Variants in XPR1 observed in about 807,000 individuals in gnomAD.
XPR1 encodes xenotropic and polytropic retrovirus receptor 1, also known as solute carrier family 53 member 1.
XPR1 carries 28 observed loss-of-function variants against 87.5 expected under a neutral mutation model. The ratio of observed to expected loss-of-function variants is 0.32; its 90% CI spans 0.24 to 0.44. XPR1 has a LOEUF of 0.44. Ranked by LOEUF, XPR1 falls within the 20% of genes least tolerant of loss-of-function variation. The probability of loss-of-function intolerance (pLI) is 1.00; values close to 1 mark genes in which losing one functional copy is unlikely to be tolerated. For missense variants in XPR1, 559 were observed against 862.3 expected, an observed-to-expected ratio of 0.65 and a Z score of 4.41; for synonymous variants, 300 against 306.1, an observed-to-expected ratio of 0.98 and a Z score of 0.21.
chr1:180,863,993 T>C (rs1007398533), intron 12 of XPR1, 119 bp downstream of exon 12: 25 of 784,384 alleles, frequency 3.2e-5, no homozygotes, highest in Non-Finnish European at 4.2e-5. Flanking sequence ...GAAAAATAAT[T>C]AACAAAAATA....
intron 3 of XPR1, among the ~76,000 whole-genome samples, chr1:180,800,429 G>C (rs191436732): frequency 1.3e-5 from 2 of 152,342 alleles, no homozygotes; most frequent in Admixed American, 6.5e-5. Flanking sequence ...CCACAGATGA[G>C]AGCCAGCAAG....
At chr1:180,816,957 T>C (rs895694653) in intron 7 of XPR1, among the ~76,000 whole-genome samples, 1 of 152,222 alleles carries the variant, frequency 6.6e-6, no homozygotes, top group Non-Finnish European at 1.5e-5. Context: ...GACAGCTCCC[T>C]GTGTGTTATT....
At chr1:180,744,820 T>G (rs1397230634) in intron 2 of XPR1, among the ~76,000 whole-genome samples, 1 of 151,796 alleles carries the variant, frequency 6.6e-6, no homozygotes, top group Non-Finnish European at 1.5e-5. Flanking sequence ...CTGGCTAGTT[T>G]TTTTGTATTT....
intron 7 of XPR1, among the ~76,000 whole-genome samples, chr1:180,820,580 G>A (rs555420776): frequency 1.1e-4 from 17 of 152,260 alleles, no homozygotes; most frequent in African/African-American, 3.9e-4. Flanking sequence ...GTACTGTTAG[G>A]AACATGCATA....
intron 1 of XPR1, among the ~76,000 whole-genome samples, chr1:180,669,833 A>G (rs1314547259): frequency 6.6e-6 from 1 of 152,150 alleles, no homozygotes; most frequent in African/African-American, 2.4e-5. Context: ...AACAATAATA[A>G]CTAATAATAA....
Position 180,889,339 on chromosome 1 carries a change from T to G in XPR1, c.*5273T>G, listed in dbSNP as rs898996147. The G allele has an allele frequency of 6.6e-6, 1 of 152,250 alleles. No individual in the cohort carries two copies. The highest frequency in any genetic ancestry group is 1.5e-5 in the Non-Finnish European group (1 of 68,042). 9.4% of individuals were successfully genotyped at this position (152,250 alleles called of 1,614,324 possible). On this transcript the variant is annotated 3_prime_UTR_variant, in exon 15 of 15. Coordinates refer to ENST00000367590, the MANE Select transcript of XPR1 (RefSeq NM_004736.4). ...CTCGTATACCTTCAAACCAGTTACTTGACTAAACTTCCACCATATTACCTT... is the reference window on the plus strand; with the variant it reads ...CTCGTATACCTTCAAACCAGTTACTGGACTAAACTTCCACCATATTACCTT...
chr1:180,669,281 T>C (rs1180247122), intron 1 of XPR1, among the ~76,000 whole-genome samples: 2 of 152,218 alleles, frequency 1.3e-5, no homozygotes, highest in Admixed American at 6.5e-5. Context: ...CCAGCTATTA[T>C]TGTATAAGTA....
chr1:180,728,876 C>T (rs1214439444), intron 2 of XPR1, among the ~76,000 whole-genome samples: 2 of 152,024 alleles, frequency 1.3e-5, no homozygotes, highest in Admixed American at 6.6e-5. Context: ...TGTTTAGGTT[C>T]AGAGATACAT....
rs1269124293 is a variant in XPR1, at chr1:180,696,083, G to A, written c.121+13672G>A. On this transcript the variant is annotated intron_variant, in intron 2 of 14. Transcript: ENST00000367590. ...ATGAGCATGGGATATCTTTCTGTTT[G>A]TGTTGTCTTCAGTTTCTTTCATTGG... Among the ~76,000 whole-genome samples, 15 of 151,244 alleles carry A rather than the reference G, an allele frequency of 9.9e-5. No individual in the cohort carries two copies. The East Asian group carries it at 2.9e-3, about 29-fold the overall frequency.
chr1:180,850,670 A>G (rs186385272), intron 11 of XPR1, among the ~76,000 whole-genome samples: 5 of 152,286 alleles, frequency 3.3e-5, no homozygotes, highest in African/African-American at 1.2e-4. Flanking sequence ...AAATGTATAG[A>G]ATCCTGGCCA....
At chr1:180,644,564 G>GT (rs977698274) in intron 1 of XPR1, among the ~76,000 whole-genome samples, 1 of 151,908 alleles carries the variant, frequency 6.6e-6, no homozygotes, top group Non-Finnish European at 1.5e-5. Context: ...TTTATTAGAT[G>GT]TAAGGACCTC....
intron 1 of XPR1, among the ~76,000 whole-genome samples, chr1:180,655,331 A>G (rs1021984020): frequency 8.0e-5 from 12 of 150,594 alleles, no homozygotes; most frequent in African/African-American, 2.9e-4. Context: ...TATCAGATAT[A>G]TGATTTGTAA....
chr1:180,781,668 A>T (rs115653369), intron 2 of XPR1, among the ~76,000 whole-genome samples: 5,790 of 149,290 alleles, frequency 0.039, 401 homozygotes, highest in African/African-American at 0.13. Context: ...GCTTTTTTTT[A>T]AAATTTTATT....
At chr1:180,706,117 C>T (rs1657549736) in intron 2 of XPR1, among the ~76,000 whole-genome samples, 1 of 152,182 alleles carries the variant, frequency 6.6e-6, no homozygotes, top group African/African-American at 2.4e-5. Context: ...TGGATAAAGC[C>T]AGCTTCCCAA....
In XPR1 at chr1:180,670,352, A is replaced by G. The variant is rs1329241546; in HGVS notation, c.70-12008A>G. Among the ~76,000 whole-genome samples the G allele has an allele frequency of 2.0e-5, 3 of 151,860 alleles. No individual in the cohort carries two copies. In the East Asian group the frequency reaches 5.8e-4, roughly 29 times the overall value. ...TGATTTTTTGTAGTGAAATGTTTAC[A>G]TTTCTTTTTCATTTGCTTTTGTGTG... On this transcript the variant is annotated intron_variant, in intron 1 of 14. Coordinates refer to ENST00000367590, the MANE Select transcript of XPR1 (RefSeq NM_004736.4).
chr1:180,874,582 C>A lies in XPR1; in HGVS notation c.1808+640C>A, dbSNP rs181100718. 3.9e-3 allele frequency among the ~76,000 whole-genome samples: 594 copies of A among 151,926 alleles called. 5 individuals are homozygous for A. Among genetic ancestry groups the A allele is most frequent in the African/African-American group, 0.014 (570 of 41,438 alleles). On this transcript the variant is annotated intron_variant, in intron 13 of 14. Transcript: ENST00000367590. The stretch of plus-strand genomic sequence containing the variant: ...GTGGGCACCTGTAATCCCAGCTACT[C>A]GGGAGGCTGAGGCAGGAGAATCGCT...
At chr1:180,826,504 T>G (rs1424791413) in intron 9 of XPR1, among the ~76,000 whole-genome samples, 1 of 151,838 alleles carries the variant, frequency 6.6e-6, no homozygotes, top group Non-Finnish European at 1.5e-5. Context: ...ACCATGTTAG[T>G]GCCGCTACAC....
chr1:180,692,001 CCT>C (rs1298792973), intron 2 of XPR1, among the ~76,000 whole-genome samples: 1 of 151,920 alleles, frequency 6.6e-6, no homozygotes, highest in Admixed American at 6.6e-5. Context: ...AATCTTGTCC[CCT>C]CTCCCCAGTT....
chr1:180,807,659 C>A (rs1258946687), intron 6 of XPR1, among the ~76,000 whole-genome samples: 1 of 152,110 alleles, frequency 6.6e-6, no homozygotes, highest in African/African-American at 2.4e-5. Context: ...TAATACGTTC[C>A]AGCTCAGAAA....
Sources: allele counts gnomAD v4.1 joint callset (sites outside exome capture counted in the v4.1 genomes callset), GRCh38; gene constraint gnomAD v4.1.1; transcripts MANE v1.5; gene names NCBI Gene and HGNC (gene_info 2026-07-23, HGNC 2026-07-21).